Variants in LRRC8C observed in about 807,000 individuals in gnomAD.
LRRC8C encodes the protein leucine rich repeat containing 8 VRAC subunit C, also known as volume-regulated anion channel subunit LRRC8C.
Under a neutral mutation model 55.3 loss-of-function variants are expected in LRRC8C, and 20 were observed. That is an observed-to-expected ratio of 0.36 (90% CI 0.25 to 0.53). The LOEUF (loss-of-function observed/expected upper bound fraction) is 0.53, where lower values mean the gene tolerates loss of function less well. Ranked by LOEUF, LRRC8C falls within the 20% of genes least tolerant of loss-of-function variation. LRRC8C has a pLI of 0.92. For synonymous variants in LRRC8C, 376 were observed against 360.7 expected (o/e 1.04, Z -0.48); for missense variants, 659 against 951.4 (o/e 0.69, Z 4.04).
chr1:89,621,296 T>TAAA, the LRRC8C span, among the ~76,000 whole-genome samples: 189 of 123,824 alleles, frequency 1.5e-3, 1 homozygote, highest in African/African-American at 4.8e-3. Context: ...CCGTCTCTAC[T>TAAA]AAAAAAAAAA....
rs1658824359 is a variant in LRRC8C, at chr1:89,716,494, CCAT to C, written c.*1515_*1517del. The C allele has an allele frequency of 6.6e-6, 1 of 152,176 alleles. No homozygotes were observed. The highest frequency in any genetic ancestry group is 2.4e-5 in the African/African-American group (1 of 41,438). The allele number at this position is 152,176 out of a possible 1,614,324, so 9.4% of individuals were successfully genotyped here. A position where few individuals can be genotyped will look rare whatever the true frequency, so the allele number is the denominator to read the frequency against. On this transcript the variant is annotated 3_prime_UTR_variant, in exon 3 of 3. Coordinates refer to ENST00000370454, the MANE Select transcript of LRRC8C (RefSeq NM_032270.5). ...TTGCTTAGCAATAATTTTTGCCTGA[CCAT>C]CAGCAGAGCTTTTATTTACCTTTGT...
intron 2 of LRRC8C, among the ~76,000 whole-genome samples, chr1:89,705,789 A>G (rs1658464999): frequency 6.6e-6 from 1 of 152,126 alleles, no homozygotes; most frequent in Non-Finnish European, 1.5e-5. Context: ...AAAAATAAAT[A>G]AATAAATGGT....
At position 89,713,229 on chromosome 1, in the gene LRRC8C, T is replaced by C; in HGVS notation, c.659T>C (p.Phe220Ser). Residue 220 changes from phenylalanine (F) to serine (S), a missense_variant, in exon 3 of 3, where the codon TTT (phenylalanine) becomes TCT (serine). This residue lies in a region of LRRC8C where 200 missense variants were observed against 360.5 expected (regional missense o/e 0.55). Coordinates refer to ENST00000370454, the MANE Select transcript of LRRC8C (RefSeq NM_032270.5). The surrounding 1 kb of genome is among the most constrained non-coding windows in gnomAD (Gnocchi z 5.2). ...SQSLKSIPEK[F>S]VVDKSTAGAL... ...TCTTTAAAGTCCATTCCTGAGAAGT[T>C]TGTAGTTGATAAATCCACTGCAGGG... 1.9e-6 allele frequency: 3 copies of C among 1,614,170 alleles called. No individual in the cohort carries two copies. Among genetic ancestry groups the C allele is most frequent in the African/African-American group, 2.7e-5 (2 of 75,034 alleles).
chr1:89,651,567 C>CAAAAAAAAAAAAAAAAAA (rs1179039674), intron 1 of LRRC8C, among the ~76,000 whole-genome samples: 1 of 40,736 alleles, frequency 2.5e-5, no homozygotes. Flanking sequence ...GACTCTGTCT[C>CAAAAAAAAAAAAAAAAAA]AAAAAAAAAA....
intron 1 of LRRC8C, among the ~76,000 whole-genome samples, chr1:89,675,256 A>G (rs985042721): frequency 1.3e-5 from 2 of 152,246 alleles, no homozygotes; most frequent in South Asian, 2.1e-4. Context: ...AGCAAGGAAT[A>G]TAAAATAAAA....
chr1:89,708,358 C>T (rs551786850), intron 2 of LRRC8C, among the ~76,000 whole-genome samples: 2 of 152,248 alleles, frequency 1.3e-5, no homozygotes, highest in African/African-American at 2.4e-5. Flanking sequence ...AGCCTGGAAC[C>T]CTACAACTAT....
Position 89,715,061 on chromosome 1 carries a change from C to A in LRRC8C, c.*79C>A. 1 of 958,764 alleles carries A rather than the reference C, an allele frequency of 1.0e-6. No homozygotes were observed. Among genetic ancestry groups the A allele is most frequent in the East Asian group, 2.8e-5 (1 of 36,264 alleles). 59.4% of individuals were successfully genotyped at this position (958,764 alleles called of 1,614,324 possible). ...ATAATTAGGTAGTCTTAATGCCTTTCCTATTTTTTTTTCCTTTTCACACAA... is the reference window on the plus strand; with the variant it reads ...ATAATTAGGTAGTCTTAATGCCTTTACTATTTTTTTTTCCTTTTCACACAA... On this transcript the variant is annotated 3_prime_UTR_variant, in exon 3 of 3. Transcript: ENST00000370454.
chr1:89,659,530 C>T (rs750477354), intron 1 of LRRC8C, among the ~76,000 whole-genome samples: 1 of 152,080 alleles, frequency 6.6e-6, no homozygotes, highest in East Asian at 1.9e-4. Context: ...GTATGATGCT[C>T]CTGACACTTC....
At position 89,713,697 on chromosome 1, in the gene LRRC8C, T is replaced by C; in HGVS notation, c.1127T>C (p.Met376Thr). The C allele has an allele frequency of 6.2e-7, 1 of 1,614,220 alleles. No homozygotes were observed. Residue 376 changes from methionine to threonine, a missense_variant, in exon 3 of 3, where the codon ATG becomes ACG. Physicochemically the swap from Met to Thr is moderately conservative, Grantham distance 81. This residue lies in a region of LRRC8C where 200 missense variants were observed against 360.5 expected (regional missense o/e 0.55). Transcript: ENST00000370454. This position sits in a 1 kb window ranked among gnomAD's most constrained non-coding sequence, Gnocchi z 5.2. ...AATGACTTTGCTTTTATGCTTCATA[T>C]GATAGATCAGTATGACCCTCTCTAT... ...VKNDFAFMLH[M>T]IDQYDPLYSK...
the LRRC8C span, among the ~76,000 whole-genome samples, chr1:89,620,118 T>C: frequency 6.6e-6 from 1 of 152,196 alleles, no homozygotes; most frequent in Non-Finnish European, 1.5e-5. Flanking sequence ...CTCTGCTTCA[T>C]AGATGGTACC....
chr1:89,710,870 A>T (rs1658630715), intron 2 of LRRC8C, among the ~76,000 whole-genome samples: 1 of 152,196 alleles, frequency 6.6e-6, no homozygotes. Flanking sequence ...AAATACGAAT[A>T]TGGGCTCTGG....
chr1:89,677,264 AC>A (rs1657577542), intron 1 of LRRC8C, among the ~76,000 whole-genome samples: 1 of 152,222 alleles, frequency 6.6e-6, no homozygotes, highest in South Asian at 2.1e-4. Flanking sequence ...CATTAATTGA[AC>A]ATACAATATC....
chr1:89,625,646 G>A, the LRRC8C span, among the ~76,000 whole-genome samples: 5 of 152,144 alleles, frequency 3.3e-5, no homozygotes, highest in Admixed American at 6.5e-5. Context: ...ACAAAGCACC[G>A]TCTACAATAA....
chr1:89,679,040 T>C (rs777949622), intron 1 of LRRC8C, among the ~76,000 whole-genome samples: 3 of 152,026 alleles, frequency 2.0e-5, no homozygotes, highest in Non-Finnish European at 4.4e-5. Flanking sequence ...TATTGAAACA[T>C]TGAGGCCAGA....
At chr1:89,697,851 C>A (rs1658218581) in intron 2 of LRRC8C, among the ~76,000 whole-genome samples, 2 of 151,590 alleles carry the variant, frequency 1.3e-5, no homozygotes, top group African/African-American at 2.4e-5. Flanking sequence ...GGAAAAAAAA[C>A]AATGTGGATA....
chr1:89,688,880 G>T (rs1041390833), intron 2 of LRRC8C, among the ~76,000 whole-genome samples: 38 of 152,318 alleles, frequency 2.5e-4, no homozygotes, highest in Middle Eastern at 6.8e-3. Context: ...TTGTGATTCA[G>T]CATGCTCCTT....
At chr1:89,710,082 A>G (rs1359042478) in intron 2 of LRRC8C, among the ~76,000 whole-genome samples, 1 of 152,140 alleles carries the variant, frequency 6.6e-6, no homozygotes, top group Non-Finnish European at 1.5e-5. Context: ...ACAATATCGT[A>G]TTAACAATAG....
At chr1:89,654,407 A>C (rs930209735) in intron 1 of LRRC8C, among the ~76,000 whole-genome samples, 1 of 152,290 alleles carries the variant, frequency 6.6e-6, no homozygotes, top group South Asian at 2.1e-4. Context: ...GTACCCTTTA[A>C]ATTTATACAA....
chr1:89,646,623 T>G (rs1656622640), intron 1 of LRRC8C, among the ~76,000 whole-genome samples: 1 of 152,150 alleles, frequency 6.6e-6, no homozygotes, highest in Non-Finnish European at 1.5e-5. Flanking sequence ...ATACACATTT[T>G]ATTTTAAAAT....
Sources: gnomAD v4.1 joint callset for allele counts (sites outside exome capture counted in the v4.1 genomes callset) on GRCh38, gnomAD v4.1.1 for gene constraint, gnomAD v4.1.1 regional missense constraint, Gnocchi (gnomAD v3.1) non-coding constraint, MANE v1.5 for transcripts, NCBI Gene and HGNC (gene_info 2026-07-23, HGNC 2026-07-21) for gene names.